The following TMEM62 variants were observed in gnomAD, a reference collection of about 807,000 sequenced individuals.
TMEM62 encodes transmembrane protein 62.
Under a neutral mutation model 70.4 loss-of-function variants are expected in TMEM62, and 41 were observed. The ratio of observed to expected loss-of-function variants is 0.58; its 90% CI spans 0.45 to 0.76. TMEM62 has a LOEUF of 0.76. TMEM62 is among the 30% of genes least tolerant of loss of function. The pLI is 0.00. For missense variants in TMEM62, 688 were observed against 788.5 expected (o/e 0.87, Z 1.53); for synonymous variants, 268 against 291.0 (o/e 0.92, Z 0.80).
At chr15:43,172,447 A>G (rs2142007180) in intron 11 of TMEM62, among the ~76,000 whole-genome samples, 1 of 152,362 alleles carries the variant, frequency 6.6e-6, no homozygotes, top group African/African-American at 2.4e-5. Flanking sequence ...CTTAAAGCTA[A>G]TTATATAAAT....
At chr15:43,172,352 G>C (rs2040281565) in intron 11 of TMEM62, among the ~76,000 whole-genome samples, 1 of 152,072 alleles carries the variant, frequency 6.6e-6, no homozygotes, top group African/African-American at 2.4e-5. Context: ...TAAGATATTA[G>C]ATAGAGTTAG....
intron 1 of TMEM62, 59 bp from the exon 2 acceptor site, chr15:43,134,198 C>T: frequency 6.4e-7 from 1 of 1,563,164 alleles, no homozygotes; most frequent in Non-Finnish European, 8.8e-7. Context: ...CTGAGCCGCC[C>T]CTCCCCATGC....
Position 43,184,616 on chromosome 15 carries a change from A to G in TMEM62, c.*30A>G. 1 of 1,586,326 alleles carries G rather than the reference A, an allele frequency of 6.3e-7. No homozygotes were observed. Among genetic ancestry groups the G allele is most frequent in the Non-Finnish European group, 8.6e-7 (1 of 1,165,574 alleles). On this transcript the variant is annotated 3_prime_UTR_variant, in exon 14 of 14. Transcript: ENST00000260403. ...CATGTCTCACCACTGGCAGCTGGGC[A>G]GAAGCCCAGCCTCTGTGTCTGTAGC...
At chr15:43,149,284 A>T in intron 7 of TMEM62, 133 bp downstream of exon 7, 1 of 927,530 alleles carries the variant, frequency 1.1e-6, no homozygotes, top group Non-Finnish European at 1.6e-6. Context: ...TTAAAGTAAT[A>T]TATGTCTCTG....
intron 3 of TMEM62, among the ~76,000 whole-genome samples, chr15:43,137,959 A>T (rs1231493180): frequency 6.6e-6 from 1 of 152,208 alleles, no homozygotes; most frequent in Non-Finnish European, 1.5e-5. Context: ...CTGTCTCTAC[A>T]GATTTAGTCC....
At chr15:43,171,535 CT>C (rs1431668344) in intron 11 of TMEM62, among the ~76,000 whole-genome samples, 1 of 149,698 alleles carries the variant, frequency 6.7e-6, no homozygotes, top group African/African-American at 2.5e-5. Flanking sequence ...AAAAAAATTA[CT>C]TAAAATTTTT....
intron 4 of TMEM62, among the ~76,000 whole-genome samples, chr15:43,145,835 C>G (rs2036599046): frequency 6.6e-6 from 1 of 152,198 alleles, no homozygotes; most frequent in African/African-American, 2.4e-5. Flanking sequence ...TTATTCAACA[C>G]ATACTTAATG....
intron 2 of TMEM62, 30 bp from the exon 3 acceptor site, chr15:43,135,482 T>C (rs1443470028): frequency 1.7e-5 from 26 of 1,567,310 alleles, no homozygotes; most frequent in Non-Finnish European, 2.1e-5. Flanking sequence ...TTATTTTGCA[T>C]TGTGATTCAA....
chr15:43,183,574 C>T (rs1287604026), intron 13 of TMEM62, among the ~76,000 whole-genome samples: 2 of 152,194 alleles, frequency 1.3e-5, no homozygotes, highest in Admixed American at 1.3e-4. Flanking sequence ...GAGAGCCTTT[C>T]TCCCAGTTAC....
At chr15:43,163,457 A>G (rs1026274751) in intron 10 of TMEM62, among the ~76,000 whole-genome samples, 1 of 151,556 alleles carries the variant, frequency 6.6e-6, no homozygotes, top group Non-Finnish European at 1.5e-5. Context: ...GGGAATTTTG[A>G]TATTCAAATG....
At chr15:43,138,516 G>A in intron 3 of TMEM62, 58 bp from the exon 4 acceptor site, 6 of 1,310,590 alleles carry the variant, frequency 4.6e-6, no homozygotes, top group Non-Finnish European at 6.5e-6. Flanking sequence ...TAAAGAAAAT[G>A]TTTGTATTCT....
At chr15:43,160,093 T>A (rs1370699014) in intron 9 of TMEM62, among the ~76,000 whole-genome samples, 1 of 151,954 alleles carries the variant, frequency 6.6e-6, no homozygotes, top group Non-Finnish European at 1.5e-5. Flanking sequence ...CTCAGGCCCC[T>A]GAGTAGCTAG....
At chr15:43,169,701 C>G in intron 11 of TMEM62, 24 bp downstream of exon 11, 6 of 1,588,310 alleles carry the variant, frequency 3.8e-6, no homozygotes, top group Non-Finnish European at 4.3e-6. Flanking sequence ...CCTTTTATTC[C>G]TATAAGCCTT....
At position 43,133,611 on chromosome 15, in the gene TMEM62, T is replaced by A. The variant is rs2034691672; in HGVS notation, c.-192T>A. 2.6e-6 allele frequency: 1 copy of A among 387,108 alleles called. No individual in the cohort carries two copies. The highest frequency in any genetic ancestry group is 4.5e-6 in the Non-Finnish European group (1 of 220,998). 24.0% of individuals were successfully genotyped at this position (387,108 alleles called of 1,614,324 possible). ...ACTTGCGCGGCCAGAGAGGGGCAGG[T>A]GCTGGGCGGCGGCTGACGGGCGCAG... On this transcript the variant is annotated 5_prime_UTR_variant, in exon 1 of 14. Transcript: ENST00000260403.
chr15:43,168,017 G>T (rs969585775), intron 10 of TMEM62, among the ~76,000 whole-genome samples: 5 of 150,348 alleles, frequency 3.3e-5, no homozygotes, highest in East Asian at 1.9e-4. Flanking sequence ...GCAGGCACTC[G>T]GCAGGCTGAG....
intron 10 of TMEM62, among the ~76,000 whole-genome samples, chr15:43,164,552 G>T (rs1053321568): frequency 6.6e-6 from 1 of 151,752 alleles, no homozygotes; most frequent in Non-Finnish European, 1.5e-5. Flanking sequence ...TAGAGACGGG[G>T]TCTCACTTTG....
chr15:43,181,004 T>C (rs1170106951), intron 12 of TMEM62, 177 bp from the exon 13 acceptor site: 2 of 576,510 alleles, frequency 3.5e-6, no homozygotes, highest in Non-Finnish European at 3.1e-6. Context: ...AATAGTTGGT[T>C]AGCAAGGATA....
chr15:43,180,816 AT>A (rs1458748134), intron 12 of TMEM62: 8 of 158,552 alleles, frequency 5.0e-5, no homozygotes, highest in African/African-American at 1.9e-4. Context: ...TCATCTGGAA[AT>A]TTAACTTCTG....
At chr15:43,145,615 T>C (rs888838354) in intron 4 of TMEM62, among the ~76,000 whole-genome samples, 1 of 152,230 alleles carries the variant, frequency 6.6e-6, no homozygotes, top group African/African-American at 2.4e-5. Flanking sequence ...CTATATCATA[T>C]ATTTACTCGG....
Sources: allele counts gnomAD v4.1 joint callset (sites outside exome capture counted in the v4.1 genomes callset), GRCh38; gene constraint gnomAD v4.1.1; transcripts MANE v1.5; gene names NCBI Gene and HGNC (gene_info 2026-07-23, HGNC 2026-07-21).